EPM2A: variants seen among roughly 807,000 people sequenced by gnomAD.
EPM2A encodes the protein EPM2A glucan phosphatase, laforin.
Under a neutral mutation model 26.5 loss-of-function variants are expected in EPM2A, and 21 were observed. The ratio of observed to expected loss-of-function variants is 0.79; its 90% confidence interval spans 0.56 to 1.14. The LOEUF (loss-of-function observed/expected upper bound fraction) is 1.14, where lower values mean the gene tolerates loss of function less well. EPM2A is among the 50% of genes most tolerant of loss of function. The pLI, the probability that EPM2A is intolerant of heterozygous loss-of-function variation, is 0.00. For synonymous variants in EPM2A, 217 were observed against 177.6 expected, an observed-to-expected ratio of 1.22 and a Z score of -1.76; for missense variants, 458 against 440.8, an observed-to-expected ratio of 1.04 and a Z score of -0.35.
At chr6:145,489,381 A>T (rs1562355429) in intron 4 of EPM2A, among the ~76,000 whole-genome samples, 1 of 152,306 alleles carries the variant, frequency 6.6e-6, no homozygotes, top group East Asian at 1.9e-4. Context: ...GCAACCTTGT[A>T]TTAAGAATAT....
intron 2 of EPM2A, among the ~76,000 whole-genome samples, chr6:145,551,108 T>C (rs770190457): frequency 6.6e-6 from 1 of 152,058 alleles, no homozygotes; most frequent in Non-Finnish European, 1.5e-5. Context: ...TAAAATATGG[T>C]ATAATAAAAT....
intron 4 of EPM2A, among the ~76,000 whole-genome samples, chr6:145,422,314 T>C (rs1279707749): frequency 6.8e-6 from 1 of 147,980 alleles, no homozygotes; most frequent in African/African-American, 2.4e-5. Flanking sequence ...TATATATTTT[T>C]GTGTGTATAT....
At chr6:145,457,481 CAAAA>C (rs11325982) in intron 4 of EPM2A, among the ~76,000 whole-genome samples, 4 of 105,512 alleles carry the variant, frequency 3.8e-5, no homozygotes, top group Non-Finnish European at 6.1e-5. Flanking sequence ...GACTCTGTCT[CAAAA>C]AAAAAAAAAA....
intron 2 of EPM2A, among the ~76,000 whole-genome samples, chr6:145,592,593 C>T (rs1230946979): frequency 6.6e-6 from 1 of 151,780 alleles, no homozygotes; most frequent in African/African-American, 2.4e-5. Context: ...TACAGTCCCA[C>T]CAACAAGTGT....
At chr6:145,693,473 T>C (rs1162308039) in intron 1 of EPM2A, among the ~76,000 whole-genome samples, 1 of 151,942 alleles carries the variant, frequency 6.6e-6, no homozygotes, top group African/African-American at 2.4e-5. Flanking sequence ...AAGCTAAGCA[T>C]TGGATATACA....
intron 4 of EPM2A, chr6:145,490,301 TC>T: frequency 6.8e-7 from 1 of 1,463,938 alleles, no homozygotes; most frequent in Non-Finnish European, 9.2e-7. Flanking sequence ...TTTGAACTGG[TC>T]CCAGCTGTTA....
chr6:145,451,797 T>A (rs1376795702), intron 4 of EPM2A, among the ~76,000 whole-genome samples: 2 of 152,328 alleles, frequency 1.3e-5, no homozygotes, highest in Admixed American at 6.5e-5. Flanking sequence ...TAATTTTAAT[T>A]TGTATTACAG....
At chr6:145,660,001 G>A (rs1334332539) in intron 2 of EPM2A, among the ~76,000 whole-genome samples, 1 of 152,100 alleles carries the variant, frequency 6.6e-6, no homozygotes, top group Non-Finnish European at 1.5e-5. Flanking sequence ...TAGGGCAGGT[G>A]GGAGGTGGGG....
chr6:145,660,134 ATGAGACTATTAGCTTC>A (rs1264576486), intron 2 of EPM2A, among the ~76,000 whole-genome samples: 5 of 152,184 alleles, frequency 3.3e-5, no homozygotes, highest in Admixed American at 6.5e-5. Context: ...TGTCTCTAGC[ATGAGACTATTAGCTTC>A]TGAAGAAGAG....
At chr6:145,630,515 T>A (rs1437616068) in intron 3 of EPM2A, 1 of 151,366 alleles carries the variant, frequency 6.6e-6, no homozygotes, top group East Asian at 1.9e-4. Flanking sequence ...CTCAGGAGGC[T>A]GAGGCAGGGG....
intron 2 of EPM2A, among the ~76,000 whole-genome samples, chr6:145,602,481 C>A (rs1781428575): frequency 1.3e-5 from 2 of 152,188 alleles, no homozygotes; most frequent in Non-Finnish European, 2.9e-5. Flanking sequence ...CCATTACCCA[C>A]ACACCTATGG....
rs142043606 is a variant in EPM2A, at chr6:145,411,549, T to G, written c.556-27452A>C. Among the ~76,000 whole-genome samples the G allele has an allele frequency of 2.1e-3, 323 of 150,330 alleles. 3 individuals carry two copies. Among genetic ancestry groups the G allele is most frequent in the African/African-American group, 7.3e-3 (300 of 40,910 alleles). On this transcript the variant is annotated intron_variant, in intron 4 of 4. Coordinates refer to the EPM2A transcript ENST00000638717. Reference sequence around the variant, plus strand: ...TCAATTAAGTTCAGAAGGGAAAAAATGAGGTTTGAGAATGGTAAAAAAAAA... The same window carrying G: ...TCAATTAAGTTCAGAAGGGAAAAAAGGAGGTTTGAGAATGGTAAAAAAAAA...
chr6:145,698,594 T>G (rs562361412), intron 1 of EPM2A, among the ~76,000 whole-genome samples: 1 of 144,978 alleles, frequency 6.9e-6, no homozygotes, highest in Non-Finnish European at 1.5e-5. Flanking sequence ...CCAAGTTAAT[T>G]TGAAGAAACA....
At chr6:145,604,025 T>C (rs1258821189) in intron 2 of EPM2A, among the ~76,000 whole-genome samples, 2 of 151,946 alleles carry the variant, frequency 1.3e-5, no homozygotes, top group East Asian at 1.9e-4. Context: ...CAAAAGGCCT[T>C]TGGGGTACAT....
At chr6:145,657,356 TG>T (rs1194281615) in intron 2 of EPM2A, among the ~76,000 whole-genome samples, 1 of 152,120 alleles carries the variant, frequency 6.6e-6, no homozygotes, top group Non-Finnish European at 1.5e-5. Flanking sequence ...CCAAATGTGC[TG>T]GGATTACAGG....
intron 2 of EPM2A, among the ~76,000 whole-genome samples, chr6:145,520,379 T>C (rs398060): frequency 0.55 from 83,948 of 151,950 alleles, 23,833 homozygotes; most frequent in African/African-American, 0.69. Flanking sequence ...CAAAGCCTTA[T>C]CTCCATCACT....
At chr6:145,632,808 T>C (rs1364163078) in intron 3 of EPM2A, among the ~76,000 whole-genome samples, 1 of 152,238 alleles carries the variant, frequency 6.6e-6, no homozygotes, top group African/African-American at 2.4e-5. Flanking sequence ...CATTGGTCTA[T>C]TGGTAAAAAG....
chr6:145,531,566 T>C (rs1396471494), intron 2 of EPM2A, among the ~76,000 whole-genome samples: 3 of 152,176 alleles, frequency 2.0e-5, no homozygotes, highest in Non-Finnish European at 4.4e-5. Flanking sequence ...TTCAAATGAA[T>C]TGTTAACTTG....
chr6:145,502,995 T>C (rs1036283274), intron 2 of EPM2A, among the ~76,000 whole-genome samples: 1 of 152,238 alleles, frequency 6.6e-6, no homozygotes, highest in African/African-American at 2.4e-5. Flanking sequence ...TTTTTAGCTT[T>C]AGCTTTGCCA....
Sources: allele counts gnomAD v4.1 joint callset (sites outside exome capture counted in the v4.1 genomes callset), GRCh38; gene constraint gnomAD v4.1.1; transcripts MANE v1.5; gene names NCBI Gene and HGNC (gene_info 2026-07-23, HGNC 2026-07-21).